Variants in RASSF8 observed in about 807,000 individuals in gnomAD.
RASSF8 encodes the protein ras association domain-containing protein 8.
RASSF8 carries 22 observed loss-of-function variants against 48.5 expected under a neutral mutation model. The ratio of observed to expected loss-of-function variants is 0.45; its 90% CI spans 0.32 to 0.65. RASSF8 has a LOEUF of 0.65. RASSF8 is among the 30% of genes least tolerant of loss of function. RASSF8 has a pLI of 0.03. For missense variants in RASSF8, 418 were observed against 489.2 expected (o/e 0.85, Z 1.37); for synonymous variants, 127 against 171.5 (o/e 0.74, Z 2.03).
At chr12:26,048,471 G>A (rs1370058436) in intron 2 of RASSF8, among the ~76,000 whole-genome samples, 1 of 152,202 alleles carries the variant, frequency 6.6e-6, no homozygotes, top group Non-Finnish European at 1.5e-5. Flanking sequence ...GTGTGGAATG[G>A]TGGATTCCAG....
At chr12:26,006,972 A>G (rs1942406361) in intron 2 of RASSF8, among the ~76,000 whole-genome samples, 1 of 152,212 alleles carries the variant, frequency 6.6e-6, no homozygotes, top group Non-Finnish European at 1.5e-5. Flanking sequence ...AAAAAGTTCA[A>G]GATTGGGCAT....
At chr12:25,960,570 T>A (rs1299662210) in intron 1 of RASSF8, among the ~76,000 whole-genome samples, 1 of 152,238 alleles carries the variant, frequency 6.6e-6, no homozygotes, top group Non-Finnish European at 1.5e-5. Flanking sequence ...TGAAGAAGAC[T>A]GAACATAGTT....
intron 3 of RASSF8, among the ~76,000 whole-genome samples, chr12:26,063,230 T>C (rs1483969379): frequency 1.3e-5 from 2 of 152,146 alleles, no homozygotes; most frequent in African/African-American, 4.8e-5. Context: ...ATGTACACTT[T>C]TCACAAAATT....
intron 2 of RASSF8, among the ~76,000 whole-genome samples, chr12:26,037,180 A>G (rs1943171907): frequency 6.6e-6 from 1 of 152,200 alleles, no homozygotes; most frequent in African/African-American, 2.4e-5. Flanking sequence ...GGCAGTAGGA[A>G]GAGGCAGGGT....
At chr12:26,015,848 T>C (rs1391757707) in intron 2 of RASSF8, among the ~76,000 whole-genome samples, 1 of 127,596 alleles carries the variant, frequency 7.8e-6, no homozygotes, top group Non-Finnish European at 1.8e-5. Context: ...TCTTTTTTCT[T>C]TATTGATAAG....
At chr12:25,967,531 T>C (rs1032598536) in intron 1 of RASSF8, among the ~76,000 whole-genome samples, 9 of 152,160 alleles carry the variant, frequency 5.9e-5, no homozygotes, top group Non-Finnish European at 1.0e-4. Flanking sequence ...TTGGAAAGAG[T>C]GCCCACTTAA....
At chr12:26,058,241 A>C (rs1400810744) in intron 3 of RASSF8, among the ~76,000 whole-genome samples, 2 of 152,234 alleles carry the variant, frequency 1.3e-5, no homozygotes, top group Non-Finnish European at 2.9e-5. Flanking sequence ...TACTTCATTG[A>C]ACTCAGAATT....
At position 25,981,109 on chromosome 12, in the gene RASSF8, CATA is replaced by C. The variant is rs1403449242; in HGVS notation, c.-202-13923_-202-13921del. 4.6e-5 allele frequency among the ~76,000 whole-genome samples: 7 copies of C among 152,216 alleles called. No individual in the cohort carries two copies. The South Asian group carries it at 1.2e-3, about 27-fold the overall frequency. On this transcript the variant is annotated intron_variant, in intron 1 of 5. Transcript: ENST00000689635. The stretch of plus-strand genomic sequence containing the variant: ...TCCTGGCTCACTCCTGTTGTTCTGG[CATA>C]ATAACAGGACCTTTCATTCTGGATG...
chr12:25,975,859 C>A (rs568294591), intron 1 of RASSF8, among the ~76,000 whole-genome samples: 1 of 152,276 alleles, frequency 6.6e-6, no homozygotes, highest in South Asian at 2.1e-4. Context: ...GAGGCCACCA[C>A]AGCCAGAAAA....
intron 1 of RASSF8, among the ~76,000 whole-genome samples, chr12:25,977,831 CCAAA>C (rs937953956): frequency 2.6e-5 from 4 of 152,166 alleles, no homozygotes; most frequent in East Asian, 1.9e-4. Flanking sequence ...ACCACTGACA[CCAAA>C]CAGTCTGTGG....
In RASSF8 at chr12:25,970,851, C is replaced by A. The variant is rs573300443; in HGVS notation, c.-203+11703C>A. Among the ~76,000 whole-genome samples the A allele has an allele frequency of 1.2e-4, 19 of 152,324 alleles. No homozygotes were observed. In the East Asian group the frequency reaches 3.5e-3, roughly 28 times the overall value. On this transcript the variant is annotated intron_variant, in intron 1 of 5. Transcript: ENST00000689635. ...ATTGATGCTGAAACATCTGAACATG[C>A]TATTTGATGACATGAAGAAATGGTT...
At chr12:25,962,490 G>A (rs1472655404) in intron 1 of RASSF8, among the ~76,000 whole-genome samples, 1 of 152,178 alleles carries the variant, frequency 6.6e-6, no homozygotes, top group Non-Finnish European at 1.5e-5. Flanking sequence ...AGGTTAATAT[G>A]AAGTTGATAA....
intron 1 of RASSF8, among the ~76,000 whole-genome samples, chr12:25,964,901 C>T (rs1045007243): frequency 3.3e-5 from 5 of 151,712 alleles, no homozygotes; most frequent in Non-Finnish European, 7.4e-5. Flanking sequence ...TGTATAATGA[C>T]TTCCCTTATA....
At chr12:25,995,370 A>G (rs1281329019) in intron 2 of RASSF8, among the ~76,000 whole-genome samples, 1 of 152,180 alleles carries the variant, frequency 6.6e-6, no homozygotes, top group Non-Finnish European at 1.5e-5. Context: ...TCGACACTAA[A>G]AGCATCATAA....
chr12:26,030,586 G>A (rs1943008877), intron 2 of RASSF8, among the ~76,000 whole-genome samples: 1 of 152,144 alleles, frequency 6.6e-6, no homozygotes, highest in Non-Finnish European at 1.5e-5. Flanking sequence ...ATGCTGAGAT[G>A]TTGCAGTGCA....
chr12:26,025,840 A>G (rs889364040), intron 2 of RASSF8, among the ~76,000 whole-genome samples: 6 of 152,080 alleles, frequency 3.9e-5, no homozygotes, highest in African/African-American at 1.4e-4. Flanking sequence ...AAAAATTGCA[A>G]AAGTTATACA....
intron 1 of RASSF8, among the ~76,000 whole-genome samples, chr12:25,993,818 C>CA (rs1234296182): frequency 6.6e-6 from 1 of 151,934 alleles, no homozygotes; most frequent in Non-Finnish European, 1.5e-5. Context: ...CTAGCTTAAA[C>CA]CTATGTATTT....
At chr12:26,040,211 T>C (rs974505002) in intron 2 of RASSF8, among the ~76,000 whole-genome samples, 1 of 152,232 alleles carries the variant, frequency 6.6e-6, no homozygotes, top group Non-Finnish European at 1.5e-5. Flanking sequence ...AAATTGTTTA[T>C]CTCCTTAACA....
intron 1 of RASSF8, among the ~76,000 whole-genome samples, chr12:25,967,112 A>G (rs1328189125): frequency 6.6e-6 from 1 of 152,230 alleles, no homozygotes; most frequent in Non-Finnish European, 1.5e-5. Flanking sequence ...TACACATGGT[A>G]TTACACAGTA....
Sources: allele counts gnomAD v4.1 joint callset (sites outside exome capture counted in the v4.1 genomes callset), GRCh38; gene constraint gnomAD v4.1.1; transcripts MANE v1.5; gene names NCBI Gene and HGNC (gene_info 2026-07-23, HGNC 2026-07-21).